NR2F1-AS1: variants seen among roughly 807,000 people sequenced by gnomAD.
NR2F1-AS1 encodes the protein NR2F1 regulatory antisense RNA 1.
chr5:93,541,374 A>G (rs945460646), intron 4 of NR2F1-AS1, among the ~76,000 whole-genome samples: 1 of 152,198 alleles, frequency 6.6e-6, no homozygotes. Context: ...TGGGAACAAC[A>G]GTATGTTAAG....
chr5:93,495,557 G>C (rs1312484837), intron 4 of NR2F1-AS1, among the ~76,000 whole-genome samples: 1 of 151,954 alleles, frequency 6.6e-6, no homozygotes, highest in Non-Finnish European at 1.5e-5. Flanking sequence ...AAATGACCAG[G>C]TTTTAGCCTT....
chr5:93,512,639 A>G (rs1024750624), intron 4 of NR2F1-AS1, among the ~76,000 whole-genome samples: 1 of 152,138 alleles, frequency 6.6e-6, no homozygotes, highest in East Asian at 1.9e-4. Context: ...CAGTCCTGCA[A>G]GCTCCACTCA....
chr5:93,445,319 GA>G (rs1399037788), intron 4 of NR2F1-AS1, among the ~76,000 whole-genome samples: 3 of 151,634 alleles, frequency 2.0e-5, no homozygotes, highest in African/African-American at 7.3e-5. Context: ...CTAATAAAGA[GA>G]AAAGAAAGAA....
chr5:93,484,449 A>C (rs1301525579), intron 4 of NR2F1-AS1, among the ~76,000 whole-genome samples: 1 of 152,232 alleles, frequency 6.6e-6, no homozygotes, highest in Admixed American at 6.5e-5. Flanking sequence ...CTCCTGAAGG[A>C]AGCACTAAAC....
chr5:93,451,587 GA>G (rs1370255494), intron 4 of NR2F1-AS1, among the ~76,000 whole-genome samples: 2 of 152,094 alleles, frequency 1.3e-5, no homozygotes, highest in East Asian at 3.9e-4. Flanking sequence ...ATTTTTTGTA[GA>G]GGGGGGGTTC....
intron 4 of NR2F1-AS1, among the ~76,000 whole-genome samples, chr5:93,439,446 T>C (rs1013562331): frequency 1.3e-5 from 2 of 152,116 alleles, no homozygotes; most frequent in African/African-American, 4.8e-5. Flanking sequence ...AGGTGCCCGC[T>C]ACCTCGCCCG....
intron 4 of NR2F1-AS1, among the ~76,000 whole-genome samples, chr5:93,552,692 C>G (rs1232043210): frequency 1.4e-5 from 2 of 147,692 alleles, no homozygotes; most frequent in Non-Finnish European, 3.0e-5. Flanking sequence ...AAAAAGGACA[C>G]GAGCAAAGCA....
intron 4 of NR2F1-AS1, among the ~76,000 whole-genome samples, chr5:93,422,884 T>A (rs1242177705): frequency 6.6e-6 from 1 of 151,614 alleles, no homozygotes; most frequent in Non-Finnish European, 1.5e-5. Context: ...ACCTGGGGAG[T>A]TTAGAATGGG....
intron 4 of NR2F1-AS1, among the ~76,000 whole-genome samples, chr5:93,506,138 T>G (rs957117476): frequency 6.6e-6 from 1 of 152,156 alleles, no homozygotes; most frequent in Non-Finnish European, 1.5e-5. Flanking sequence ...TCCACAAATC[T>G]CTAGGGCAGG....
chr5:93,544,398 G>T (rs1383769915), intron 4 of NR2F1-AS1, among the ~76,000 whole-genome samples: 1 of 152,046 alleles, frequency 6.6e-6, no homozygotes, highest in Non-Finnish European at 1.5e-5. Flanking sequence ...TTATGCCATA[G>T]AATATATAAT....
intron 4 of NR2F1-AS1, among the ~76,000 whole-genome samples, chr5:93,519,207 C>G (rs956553203): frequency 3.3e-5 from 5 of 151,938 alleles, no homozygotes; most frequent in African/African-American, 1.2e-4. Flanking sequence ...ACTTTAAACC[C>G]TAGAAACACA....
chr5:93,575,564 T>C (rs1183477164), intron 1 of NR2F1-AS1, among the ~76,000 whole-genome samples: 1 of 152,174 alleles, frequency 6.6e-6, no homozygotes, highest in African/African-American at 2.4e-5. Context: ...TGGGGAGAAA[T>C]TGAAAGTAAA....
intron 4 of NR2F1-AS1, among the ~76,000 whole-genome samples, chr5:93,537,866 T>G (rs575060930): frequency 6.6e-6 from 1 of 152,162 alleles, no homozygotes; most frequent in Non-Finnish European, 1.5e-5. Context: ...GAAAAAAAAT[T>G]GATTCTCAGC....
At chr5:93,519,804 A>G (rs925933465) in intron 4 of NR2F1-AS1, among the ~76,000 whole-genome samples, 1 of 152,048 alleles carries the variant, frequency 6.6e-6, no homozygotes, top group East Asian at 1.9e-4. Flanking sequence ...CATTTTCAAC[A>G]TAACACTTAA....
chr5:93,528,842 G>C (rs937136523), intron 4 of NR2F1-AS1, among the ~76,000 whole-genome samples: 6 of 148,446 alleles, frequency 4.0e-5, no homozygotes, highest in African/African-American at 1.5e-4. Context: ...AGTGGGAATT[G>C]AACAATGAGA....
At chr5:93,452,994 A>T (rs1330889545) in intron 4 of NR2F1-AS1, among the ~76,000 whole-genome samples, 1 of 152,200 alleles carries the variant, frequency 6.6e-6, no homozygotes, top group Admixed American at 6.5e-5. Flanking sequence ...CAATCAATAG[A>T]AACCTAGAGA....
intron 4 of NR2F1-AS1, among the ~76,000 whole-genome samples, chr5:93,507,939 G>A (rs1007698872): frequency 2.2e-4 from 34 of 152,208 alleles, no homozygotes; most frequent in African/African-American, 8.2e-4. Flanking sequence ...TTCTATGGAG[G>A]AAATTCTAAA....
chr5:93,484,576 G>A (rs1434993751), intron 4 of NR2F1-AS1, among the ~76,000 whole-genome samples: 1 of 152,004 alleles, frequency 6.6e-6, no homozygotes, highest in African/African-American at 2.4e-5. Flanking sequence ...GCATCATAAC[G>A]ACAGGGTCAA....
chr5:93,555,250 G>A (rs1483670264), intron 2 of NR2F1-AS1, among the ~76,000 whole-genome samples: 2 of 152,068 alleles, frequency 1.3e-5, no homozygotes, highest in Non-Finnish European at 2.9e-5. Context: ...GTTAAAACTG[G>A]CTACTATAAT....
Sources: gnomAD v4.1 joint callset for allele counts (sites outside exome capture counted in the v4.1 genomes callset) on GRCh38, gnomAD v4.1.1 for gene constraint, MANE v1.5 for transcripts, NCBI Gene and HGNC (gene_info 2026-07-23, HGNC 2026-07-21) for gene names.